Variants in NR6A1 observed in about 807,000 individuals in gnomAD.
NR6A1 encodes retinoic acid receptor-related testis-associated receptor.
Under a neutral mutation model 59.1 loss-of-function variants are expected in NR6A1, and 7 were observed. The observed-to-expected ratio is 0.12, with a 90% CI of 0.07 to 0.22. The LOEUF is 0.22. NR6A1 is among the 10% of genes least tolerant of loss of function. NR6A1 has a pLI of 1.00. For synonymous variants in NR6A1, 243 were observed against 236.1 expected (o/e 1.03, Z -0.27); for missense variants, 468 against 611.6 (o/e 0.77, Z 2.48).
chr9:124,620,946 A>G (rs187267783), intron 2 of NR6A1, among the ~76,000 whole-genome samples: 257 of 152,324 alleles, frequency 1.7e-3, no homozygotes, highest in Non-Finnish European at 3.1e-3. Context: ...TGTGAGGCAG[A>G]CAGAGTAGGG....
chr9:124,637,061 G>A (rs1304904998), intron 2 of NR6A1, among the ~76,000 whole-genome samples: 1 of 152,140 alleles, frequency 6.6e-6, no homozygotes, highest in Non-Finnish European at 1.5e-5. Flanking sequence ...TGGGAACCCG[G>A]AGGCAGGAGT....
At chr9:124,599,090 T>C (rs989165069) in intron 2 of NR6A1, 1 of 711,720 alleles carries the variant, frequency 1.4e-6, no homozygotes, top group Non-Finnish European at 2.6e-6. Context: ...AGTGCCTCGC[T>C]CGTTCCATTC....
At chr9:124,712,523 G>A (rs1437569590) in intron 2 of NR6A1, among the ~76,000 whole-genome samples, 3 of 151,570 alleles carry the variant, frequency 2.0e-5, no homozygotes, top group Non-Finnish European at 2.9e-5. Flanking sequence ...CACAAGAATC[G>A]CCTGAACCTG....
At chr9:124,647,759 G>GAAAAAA (rs71492419) in intron 2 of NR6A1, among the ~76,000 whole-genome samples, 9 of 145,440 alleles carry the variant, frequency 6.2e-5, no homozygotes, top group African/African-American at 2.3e-4. Context: ...AGAAAGAAAA[G>GAAAAAA]AAAAAAGAAA....
At position 124,519,592 on chromosome 9, in the gene NR6A1, A is replaced by C. The variant is rs1055704026; in HGVS notation, c.*3113T>G. 3.3e-5 allele frequency: 5 copies of C among 152,152 alleles called. No homozygotes were observed. The highest frequency in any genetic ancestry group is 2.6e-4 in the Admixed American group (4 of 15,276). The allele number at this position is 152,152 out of a possible 1,614,324, so 9.4% of individuals were successfully genotyped here. A position where few individuals can be genotyped will look rare whatever the true frequency, so the allele number is the denominator to read the frequency against. On this transcript the variant is annotated 3_prime_UTR_variant, in exon 10 of 10. Transcript: ENST00000487099. ...TTTTCCATGTAGCTTTCAGAGTCGT[A>C]TTTTTATGGCATAAAAATTCTCACT...
At chr9:124,732,612 T>C (rs1463167001) in intron 2 of NR6A1, among the ~76,000 whole-genome samples, 2 of 152,230 alleles carry the variant, frequency 1.3e-5, no homozygotes, top group Non-Finnish European at 2.9e-5. Flanking sequence ...AAAATGCTTC[T>C]TTTAAAGAAA....
chr9:124,545,399 C>T (rs1283330496), intron 3 of NR6A1, among the ~76,000 whole-genome samples: 2 of 152,166 alleles, frequency 1.3e-5, no homozygotes, highest in African/African-American at 4.8e-5. Flanking sequence ...TTAATATTTT[C>T]ATCTGCTAAA....
At chr9:124,638,451 A>G (rs1836681430) in intron 2 of NR6A1, among the ~76,000 whole-genome samples, 1 of 152,180 alleles carries the variant, frequency 6.6e-6, no homozygotes, top group South Asian at 2.1e-4. Context: ...AGCATTTGAC[A>G]TCAATAGCTA....
intron 2 of NR6A1, among the ~76,000 whole-genome samples, chr9:124,725,071 CTT>C (rs1234499515): frequency 6.6e-6 from 1 of 152,186 alleles, no homozygotes; most frequent in East Asian, 1.9e-4. Flanking sequence ...TCCTTGTTCT[CTT>C]GAGTTTTACA....
At chr9:124,759,700 G>C (rs1014577169) in intron 1 of NR6A1, among the ~76,000 whole-genome samples, 1 of 152,176 alleles carries the variant, frequency 6.6e-6, no homozygotes, top group Non-Finnish European at 1.5e-5. Flanking sequence ...GTTCACCGAA[G>C]ATTGTCCCTG....
At chr9:124,644,266 GTCT>G (rs1461725647) in intron 2 of NR6A1, among the ~76,000 whole-genome samples, 1 of 45,612 alleles carries the variant, frequency 2.2e-5, no homozygotes, top group Admixed American at 3.3e-4. Flanking sequence ...TGAAGATTAA[GTCT>G]TCTTTTTTTT....
intron 2 of NR6A1, among the ~76,000 whole-genome samples, chr9:124,596,736 T>C (rs1835283155): frequency 6.6e-6 from 1 of 152,180 alleles, no homozygotes; most frequent in South Asian, 2.1e-4. Context: ...ACACCGAGTG[T>C]GCACATACAC....
At chr9:124,600,717 AACTAAAGTGGGT>A (rs1835422389) in intron 2 of NR6A1, among the ~76,000 whole-genome samples, 2 of 152,342 alleles carry the variant, frequency 1.3e-5, no homozygotes, top group South Asian at 4.1e-4. Context: ...TGAGTACTGT[AACTAAAGTGGGT>A]AAGAAAAGTG....
chr9:124,657,945 T>C (rs1263576246), intron 2 of NR6A1, among the ~76,000 whole-genome samples: 1 of 152,250 alleles, frequency 6.6e-6, no homozygotes, highest in Admixed American at 6.5e-5. Context: ...ATGCCACTTT[T>C]ATTTTTACCT....
rs906182944 is a variant in NR6A1, at chr9:124,563,103, T to C, written c.143-8533A>G. 2.6e-5 allele frequency among the ~76,000 whole-genome samples: 4 copies of C among 152,156 alleles called. No individual in the cohort carries two copies. In the East Asian group the frequency reaches 5.8e-4, roughly 22 times the overall value. On this transcript the variant is annotated intron_variant, in intron 2 of 9. Transcript: ENST00000487099. The stretch of plus-strand genomic sequence containing the variant: ...GTAAAATCTGGCACAATGAATGCTA[T>C]AGAGAAGATACACAATTTGTTGAAT...
chr9:124,658,672 C>T (rs1418001433), intron 2 of NR6A1: 1 of 152,186 alleles, frequency 6.6e-6, no homozygotes, highest in African/African-American at 2.4e-5. Context: ...ACCCCCATCC[C>T]CTTTTGACAA....
At chr9:124,531,489 G>A (rs369405609) in intron 7 of NR6A1, among the ~76,000 whole-genome samples, 4 of 152,176 alleles carry the variant, frequency 2.6e-5, no homozygotes, top group African/African-American at 4.8e-5. Flanking sequence ...AGGCCATCTG[G>A]GGGAGTGGGA....
At chr9:124,756,050 G>C (rs549196033) in intron 1 of NR6A1, among the ~76,000 whole-genome samples, 2 of 152,120 alleles carry the variant, frequency 1.3e-5, no homozygotes, top group Non-Finnish European at 2.9e-5. Context: ...TATTTTTGTA[G>C]CCCATATTAG....
intron 2 of NR6A1, among the ~76,000 whole-genome samples, chr9:124,563,847 G>A (rs1445806547): frequency 1.3e-5 from 2 of 152,180 alleles, no homozygotes; most frequent in Non-Finnish European, 2.9e-5. Flanking sequence ...AGGCTGGGGT[G>A]GGAGAATCAT....
Sources: allele counts gnomAD v4.1 joint callset (sites outside exome capture counted in the v4.1 genomes callset), GRCh38; gene constraint gnomAD v4.1.1; transcripts MANE v1.5; gene names NCBI Gene and HGNC (gene_info 2026-07-23, HGNC 2026-07-21).